The following TASP1 variants were observed in gnomAD, a reference collection of about 807,000 sequenced individuals.
The protein encoded by TASP1 is taspase 1.
In TASP1, 16 loss-of-function variants were observed where a neutral mutation model predicts 56.6. The observed-to-expected ratio is 0.28, with a 90% CI of 0.19 to 0.43. The LOEUF (loss-of-function observed/expected upper bound fraction) is 0.43. Among genes scored for constraint, TASP1 ranks in the 20% least tolerant of loss-of-function variants. The pLI is 1.00. For synonymous variants in TASP1, 179 were observed against 184.2 expected (o/e 0.97, Z 0.23); for missense variants, 393 against 511.6 (o/e 0.77, Z 2.24).
chr20:13,113,455 G>T, the TASP1 span, among the ~76,000 whole-genome samples: 3 of 152,084 alleles, frequency 2.0e-5, no homozygotes, highest in Admixed American at 6.5e-5. Context: ...AGAGCAGTCA[G>T]CCAAATCAGA....
At chr20:13,306,005 G>A in the TASP1 span, among the ~76,000 whole-genome samples, 9 of 152,120 alleles carry the variant, frequency 5.9e-5, no homozygotes, top group African/African-American at 2.2e-4. Context: ...AGAATTTTAT[G>A]ACTTTGCTAA....
chr20:13,568,431 AGT>A (rs2046608342), intron 7 of TASP1, among the ~76,000 whole-genome samples: 1 of 152,314 alleles, frequency 6.6e-6, no homozygotes, highest in East Asian at 1.9e-4. Flanking sequence ...TTTAAAAAAT[AGT>A]GTTTTTAATA....
At chr20:13,551,162 G>C (rs2045970316) in intron 8 of TASP1, among the ~76,000 whole-genome samples, 1 of 152,060 alleles carries the variant, frequency 6.6e-6, no homozygotes, top group South Asian at 2.1e-4. Flanking sequence ...CTTTAGAGTG[G>C]TTTTGAACAC....
chr20:13,512,649 T>C (rs912098042), intron 10 of TASP1, among the ~76,000 whole-genome samples: 1 of 152,224 alleles, frequency 6.6e-6, no homozygotes, highest in Non-Finnish European at 1.5e-5. Flanking sequence ...CCATTGCTTT[T>C]GGTATATTAG....
chr20:13,283,297 G>A, the TASP1 span, among the ~76,000 whole-genome samples: 1 of 152,138 alleles, frequency 6.6e-6, no homozygotes, highest in Non-Finnish European at 1.5e-5. Flanking sequence ...TTTCACCCAG[G>A]AAGGAGAGGT....
the TASP1 span, among the ~76,000 whole-genome samples, chr20:13,121,379 A>G: frequency 0.76 from 115,752 of 152,122 alleles, 45,158 homozygotes; most frequent in African/African-American, 0.94. Flanking sequence ...TGCCCTGCAC[A>G]CTAGGCCCTG....
At chr20:13,350,869 T>C in the TASP1 span, among the ~76,000 whole-genome samples, 27 of 152,078 alleles carry the variant, frequency 1.8e-4, 1 homozygote. Flanking sequence ...CCAGCTAATT[T>C]ATTTTATTTT....
chr20:13,285,540 C>T, the TASP1 span, among the ~76,000 whole-genome samples: 7 of 152,136 alleles, frequency 4.6e-5, no homozygotes, highest in Admixed American at 2.0e-4. Context: ...CTAGCCTAGG[C>T]ACTTCACGCT....
At chr20:13,570,394 C>G (rs999524478) in intron 6 of TASP1, among the ~76,000 whole-genome samples, 5 of 152,082 alleles carry the variant, frequency 3.3e-5, no homozygotes, top group Non-Finnish European at 7.4e-5. Flanking sequence ...GAACTTGTGC[C>G]TACTTGCTAG....
chr20:13,489,729 T>C (rs1173307049), intron 10 of TASP1, among the ~76,000 whole-genome samples: 1 of 152,162 alleles, frequency 6.6e-6, no homozygotes, highest in African/African-American at 2.4e-5. Flanking sequence ...CAGTTCTCTT[T>C]TTTAAGGCTA....
chr20:13,385,146 C>A (rs750065795), downstream of TASP1, among the ~76,000 whole-genome samples: 74 of 152,226 alleles, frequency 4.9e-4, no homozygotes, highest in Non-Finnish European at 8.7e-4. Context: ...CCATGGCATG[C>A]ACGTCGTGAA....
intron 13 of TASP1, among the ~76,000 whole-genome samples, chr20:13,394,593 C>G (rs1314478015): frequency 6.6e-6 from 1 of 151,024 alleles, no homozygotes; most frequent in East Asian, 1.9e-4. Context: ...GCCTGGGCGA[C>G]AGAGCGAGAC....
chr20:13,406,557 T>C (rs2041926730), intron 13 of TASP1, among the ~76,000 whole-genome samples: 1 of 152,202 alleles, frequency 6.6e-6, no homozygotes. Context: ...AGAAAGAAAG[T>C]GTTCAGTGTT....
At chr20:13,126,764 C>T in the TASP1 span, 2 of 1,602,602 alleles carry the variant, frequency 1.2e-6, no homozygotes, top group Non-Finnish European at 1.7e-6. Flanking sequence ...CTCTGTCTCC[C>T]TTCTGCCTCA....
the TASP1 span, among the ~76,000 whole-genome samples, chr20:13,315,417 A>G: frequency 1.3e-5 from 2 of 152,038 alleles, no homozygotes; most frequent in African/African-American, 4.8e-5. Flanking sequence ...ACTTAAGACC[A>G]AGGAAAGTTA....
chr20:13,112,954 A>C, the TASP1 span, among the ~76,000 whole-genome samples: 4 of 152,176 alleles, frequency 2.6e-5, no homozygotes, highest in African/African-American at 9.7e-5. Context: ...AGACCAAGGC[A>C]GGTGGATTAC....
At chr20:13,359,972 G>A in the TASP1 span, among the ~76,000 whole-genome samples, 2 of 151,864 alleles carry the variant, frequency 1.3e-5, no homozygotes, top group South Asian at 4.2e-4. Context: ...CAGCACACTT[G>A]CCTGTTATCA....
the TASP1 span, among the ~76,000 whole-genome samples, chr20:13,256,772 A>C: frequency 6.6e-6 from 1 of 152,218 alleles, no homozygotes; most frequent in Non-Finnish European, 1.5e-5. Flanking sequence ...GCAGGATTCC[A>C]AACCTCAGTT....
chr20:13,560,004 A>G (rs1003880079), intron 7 of TASP1, among the ~76,000 whole-genome samples: 4 of 152,228 alleles, frequency 2.6e-5, no homozygotes, highest in Admixed American at 2.6e-4. Flanking sequence ...GAAAGAAAAG[A>G]AAGACATCAA....
Sources: gnomAD v4.1 joint callset for allele counts (sites outside exome capture counted in the v4.1 genomes callset) on GRCh38, gnomAD v4.1.1 for gene constraint, MANE v1.5 for transcripts, NCBI Gene and HGNC (gene_info 2026-07-23, HGNC 2026-07-21) for gene names.